Variants in INPP4B observed in about 807,000 individuals in gnomAD.
INPP4B encodes the protein inositol polyphosphate 4-phosphatase type II.
Under a neutral mutation model 122.5 loss-of-function variants are expected in INPP4B, and 55 were observed. That is an observed-to-expected ratio of 0.45 (90% CI 0.36 to 0.56). The LOEUF is 0.56. Among genes scored for constraint, INPP4B ranks in the 20% least tolerant of loss-of-function variants. The pLI, the probability that INPP4B is intolerant of heterozygous loss-of-function variation, is 0.00. For synonymous variants in INPP4B, 403 were observed against 388.7 expected (o/e 1.04, Z -0.43); for missense variants, 1,000 against 1,097.7 (o/e 0.91, Z 1.26).
intron 2 of INPP4B, among the ~76,000 whole-genome samples, chr4:142,511,053 T>C (rs1824647766): frequency 6.6e-6 from 1 of 152,178 alleles, no homozygotes; most frequent in African/African-American, 2.4e-5. Context: ...TATTCCTCTA[T>C]AAAGCAGAGT....
intron 2 of INPP4B, among the ~76,000 whole-genome samples, chr4:142,653,303 A>T (rs1753418469): frequency 6.6e-6 from 1 of 152,222 alleles, no homozygotes; most frequent in South Asian, 2.1e-4. Flanking sequence ...CATTCAGAAC[A>T]TAGGCATGGG....
Position 142,756,011 on chromosome 4 carries a change from T to C in INPP4B, c.-253-30110A>G, listed in dbSNP as rs139651026. Among the ~76,000 whole-genome samples, 34 of 152,110 alleles carry C rather than the reference T, an allele frequency of 2.2e-4. 1 individual carries two copies. In the East Asian group the frequency reaches 6.6e-3, roughly 30 times the overall value. Reference sequence around the variant, plus strand: ...CCAATGGCCTTATCTCTAGATCCAGTCCCAGCCCTCGACCCTGGAGGGGAA... The same window carrying C: ...CCAATGGCCTTATCTCTAGATCCAGCCCCAGCCCTCGACCCTGGAGGGGAA... On this transcript the variant is annotated intron_variant, in intron 1 of 25. Transcript: ENST00000262992.
rs1021706924 is a variant in INPP4B at position 142,381,032 on chromosome 4, T to C, written c.372+21906A>G. Among the ~76,000 whole-genome samples, 4 of 152,182 alleles carry C rather than the reference T, an allele frequency of 2.6e-5. 1 individual carries two copies. Among genetic ancestry groups the C allele is most frequent in the African/African-American group, 7.2e-5 (3 of 41,460 alleles). On this transcript the variant is annotated intron_variant, in intron 7 of 25. Coordinates refer to ENST00000262992, the MANE Select transcript of INPP4B (RefSeq NM_001101669.3). ...CCTACTGATAAGCCTTCATTCTTTC[T>C]AATTTTTCACCATTATAAGCAATAC...
intron 18 of INPP4B, among the ~76,000 whole-genome samples, chr4:142,133,729 G>A (rs970349232): frequency 1.6e-4 from 24 of 152,068 alleles, no homozygotes; most frequent in Non-Finnish European, 3.2e-4. Flanking sequence ...CTTCCTTGTT[G>A]TTTCCTGAAT....
intron 2 of INPP4B, among the ~76,000 whole-genome samples, chr4:142,646,798 G>A (rs1751883630): frequency 6.6e-6 from 1 of 152,208 alleles, no homozygotes; most frequent in African/African-American, 2.4e-5. Flanking sequence ...CCAGGACAGA[G>A]TGCTCCAGGA....
chr4:142,450,547 A>T (rs1813913807), intron 3 of INPP4B, among the ~76,000 whole-genome samples: 1 of 152,174 alleles, frequency 6.6e-6, no homozygotes, highest in Non-Finnish European at 1.5e-5. Flanking sequence ...ATCCATCCAT[A>T]ATTTCCACAG....
chr4:142,792,923 A>G (rs1041132740), intron 1 of INPP4B, among the ~76,000 whole-genome samples: 2 of 152,114 alleles, frequency 1.3e-5, no homozygotes, highest in Admixed American at 1.3e-4. Flanking sequence ...AAGGTTCTCT[A>G]TACCCCAATC....
chr4:142,522,991 A>G (rs1250800036), intron 2 of INPP4B, among the ~76,000 whole-genome samples: 1 of 152,086 alleles, frequency 6.6e-6, no homozygotes, highest in African/African-American at 2.4e-5. Context: ...GTGAGTTTGA[A>G]AAGAAAAGAT....
At chr4:142,804,898 C>A (rs1778488701) in intron 1 of INPP4B, among the ~76,000 whole-genome samples, 1 of 152,180 alleles carries the variant, frequency 6.6e-6, no homozygotes, top group South Asian at 2.1e-4. Flanking sequence ...AACTCCTGGG[C>A]TCAAGCGATC....
chr4:142,522,306 T>C (rs564086898), intron 2 of INPP4B, among the ~76,000 whole-genome samples: 405 of 151,808 alleles, frequency 2.7e-3, no homozygotes, highest in African/African-American at 9.4e-3. Flanking sequence ...CATTTACTTG[T>C]CCCAGGAACA....
At chr4:142,127,553 T>C (rs1799180269) in intron 18 of INPP4B, among the ~76,000 whole-genome samples, 1 of 152,076 alleles carries the variant, frequency 6.6e-6, no homozygotes, top group East Asian at 1.9e-4. Context: ...CACAACATTC[T>C]AAACCTAGGA....
At chr4:142,589,042 A>G (rs758901448) in intron 2 of INPP4B, among the ~76,000 whole-genome samples, 57 of 152,124 alleles carry the variant, frequency 3.7e-4, no homozygotes, top group Non-Finnish European at 6.8e-4. Flanking sequence ...AACTAGACCC[A>G]CACAAATATA....
At chr4:142,285,853 G>A (rs1753407402) in intron 9 of INPP4B, among the ~76,000 whole-genome samples, 1 of 152,084 alleles carries the variant, frequency 6.6e-6, no homozygotes, top group South Asian at 2.1e-4. Context: ...AAGAAACTCA[G>A]TTTAGCTAGG....
intron 3 of INPP4B, among the ~76,000 whole-genome samples, chr4:142,441,071 TA>T (rs1811604487): frequency 6.6e-6 from 1 of 152,002 alleles, no homozygotes; most frequent in South Asian, 2.1e-4. Context: ...CTAGAGAGAA[TA>T]AGCTTAATTA....
intron 5 of INPP4B, among the ~76,000 whole-genome samples, chr4:142,418,610 C>T (rs1321044557): frequency 6.6e-6 from 1 of 151,974 alleles, no homozygotes; most frequent in East Asian, 1.9e-4. Flanking sequence ...CTAAAACATA[C>T]CAAGGAACCA....
chr4:142,532,938 C>T (rs1827789642), intron 2 of INPP4B, among the ~76,000 whole-genome samples: 1 of 152,102 alleles, frequency 6.6e-6, no homozygotes, highest in Admixed American at 6.6e-5. Flanking sequence ...TATGTTAGCA[C>T]TTGTAAATCA....
intron 2 of INPP4B, among the ~76,000 whole-genome samples, chr4:142,517,035 C>T (rs1825499281): frequency 6.6e-6 from 1 of 151,518 alleles, no homozygotes; most frequent in Non-Finnish European, 1.5e-5. Context: ...AGAATCTGGG[C>T]AAAGCATTAA....
chr4:142,640,517 G>T (rs1262948645), intron 2 of INPP4B, among the ~76,000 whole-genome samples: 1 of 151,810 alleles, frequency 6.6e-6, no homozygotes, highest in East Asian at 1.9e-4. Context: ...AATAGCAAAG[G>T]TCCTAAAATA....
intron 21 of INPP4B, among the ~76,000 whole-genome samples, chr4:142,116,660 C>T (rs1454769955): frequency 6.6e-6 from 1 of 152,132 alleles, no homozygotes; most frequent in Non-Finnish European, 1.5e-5. Context: ...ACATTTAAAG[C>T]AGTGTGTAGA....
Sources: allele counts gnomAD v4.1 joint callset (sites outside exome capture counted in the v4.1 genomes callset), GRCh38; gene constraint gnomAD v4.1.1; transcripts MANE v1.5; gene names NCBI Gene and HGNC (gene_info 2026-07-23, HGNC 2026-07-21).